IMMP2L: variants seen among roughly 807,000 people sequenced by gnomAD.
IMMP2L encodes inner mitochondrial membrane peptidase subunit 2.
A neutral mutation model predicts 19.3 loss-of-function variants in IMMP2L; 18 were observed. The ratio of observed to expected loss-of-function variants is 0.93; its 90% CI spans 0.64 to 1.38. The LOEUF is 1.38. Ranked by LOEUF, IMMP2L falls within the 40% of genes most tolerant of loss-of-function variation. The pLI is 0.00. For missense variants in IMMP2L, 233 were observed against 218.2 expected (o/e 1.07, Z -0.43); for synonymous variants, 76 against 73.0 (o/e 1.04, Z -0.21).
intron 5 of IMMP2L, among the ~76,000 whole-genome samples, chr7:110,754,183 T>C (rs897241677): frequency 6.6e-6 from 1 of 152,084 alleles, no homozygotes; most frequent in Non-Finnish European, 1.5e-5. Flanking sequence ...CAAGTCATAG[T>C]GCCACAGGAG....
intron 5 of IMMP2L, among the ~76,000 whole-genome samples, chr7:110,690,132 C>A (rs73714312): frequency 6.6e-6 from 1 of 152,114 alleles, no homozygotes; most frequent in African/African-American, 2.4e-5. Flanking sequence ...ACTCACCCCC[C>A]ACCTCAGACA....
intron 3 of IMMP2L, among the ~76,000 whole-genome samples, chr7:111,073,479 C>T (rs1041611226): frequency 6.6e-6 from 1 of 151,974 alleles, no homozygotes. Flanking sequence ...TTTTTTCATT[C>T]AAGCCTGCAT....
chr7:111,466,231 C>T (rs1280714138), intron 3 of IMMP2L, among the ~76,000 whole-genome samples: 1 of 152,036 alleles, frequency 6.6e-6, no homozygotes, highest in Non-Finnish European at 1.5e-5. Context: ...TGTTAAATGA[C>T]AAGTTAACGT....
chr7:111,410,463 T>C (rs1243662348), intron 3 of IMMP2L, among the ~76,000 whole-genome samples: 1 of 151,672 alleles, frequency 6.6e-6, no homozygotes, highest in East Asian at 1.9e-4. Context: ...AATTAGTATG[T>C]ACATTGTTCA....
chr7:110,688,009 G>A (rs1357479278), intron 5 of IMMP2L, among the ~76,000 whole-genome samples: 1 of 151,940 alleles, frequency 6.6e-6, no homozygotes, highest in African/African-American at 2.4e-5. Flanking sequence ...TCATCATACT[G>A]TGAGAAGCCC....
chr7:111,516,339 A>G (rs2132622467), intron 2 of IMMP2L, among the ~76,000 whole-genome samples: 1 of 152,016 alleles, frequency 6.6e-6, no homozygotes, highest in African/African-American at 2.4e-5. Context: ...TCATACACGC[A>G]TAAATACAGA....
intron 3 of IMMP2L, among the ~76,000 whole-genome samples, chr7:111,469,120 G>A (rs112761612): frequency 0.02 from 3,085 of 152,200 alleles, 106 homozygotes; most frequent in African/African-American, 0.07. Flanking sequence ...CTATATCTCT[G>A]TTTTGGTACC....
chr7:111,266,453 G>T (rs1242369702), intron 3 of IMMP2L, among the ~76,000 whole-genome samples: 1 of 149,596 alleles, frequency 6.7e-6, no homozygotes, highest in Non-Finnish European at 1.5e-5. Context: ...TGAGACAGGA[G>T]AATCGCTTGA....
chr7:111,193,093 G>A (rs970910917), intron 3 of IMMP2L, among the ~76,000 whole-genome samples: 3 of 152,140 alleles, frequency 2.0e-5, no homozygotes, highest in Non-Finnish European at 2.9e-5. Flanking sequence ...GTTCAAACAT[G>A]GGAGAACAGA....
chr7:111,321,807 T>G (rs1824747907), intron 3 of IMMP2L, among the ~76,000 whole-genome samples: 1 of 151,992 alleles, frequency 6.6e-6, no homozygotes, highest in African/African-American at 2.4e-5. Flanking sequence ...TTAAAAGGAA[T>G]GGAACTACAG....
intron 2 of IMMP2L, among the ~76,000 whole-genome samples, chr7:111,494,541 T>C (rs1843417241): frequency 6.6e-6 from 1 of 152,218 alleles, no homozygotes; most frequent in Non-Finnish European, 1.5e-5. Context: ...CTTGGAGAAG[T>C]GTTTTGAATA....
intron 3 of IMMP2L, among the ~76,000 whole-genome samples, chr7:111,087,832 T>G (rs1796489861): frequency 6.6e-6 from 1 of 152,202 alleles, no homozygotes; most frequent in Non-Finnish European, 1.5e-5. Flanking sequence ...CAATGACCAC[T>G]ACCATAATAA....
intron 3 of IMMP2L, among the ~76,000 whole-genome samples, chr7:111,026,782 T>C (rs1200242222): frequency 1.3e-5 from 2 of 152,140 alleles, no homozygotes; most frequent in Non-Finnish European, 1.5e-5. Context: ...AAGATTTCTT[T>C]TGGCATGCTG....
intron 3 of IMMP2L, among the ~76,000 whole-genome samples, chr7:110,974,050 T>C (rs1820438397): frequency 6.6e-6 from 1 of 152,030 alleles, no homozygotes; most frequent in Non-Finnish European, 1.5e-5. Flanking sequence ...ATAAGAACCA[T>C]TAATAGTCCT....
chr7:110,831,570 C>A (rs1803972888), intron 5 of IMMP2L, among the ~76,000 whole-genome samples: 1 of 152,124 alleles, frequency 6.6e-6, no homozygotes, highest in Non-Finnish European at 1.5e-5. Flanking sequence ...CCAAAAGACA[C>A]AAGCAGCCAA....
intron 5 of IMMP2L, among the ~76,000 whole-genome samples, chr7:110,852,629 T>G (rs771231825): frequency 7.2e-5 from 11 of 152,088 alleles, no homozygotes; most frequent in Non-Finnish European, 1.2e-4. Flanking sequence ...TACCCTGGAC[T>G]GTCTCCAGGA....
chr7:111,236,615 G>A (rs186998478), intron 3 of IMMP2L, among the ~76,000 whole-genome samples: 1 of 152,018 alleles, frequency 6.6e-6, no homozygotes, highest in Non-Finnish European at 1.5e-5. Context: ...AGGGCTGTAC[G>A]AGGACCTTCT....
At chr7:110,717,429 C>A (rs1003234240) in intron 5 of IMMP2L, among the ~76,000 whole-genome samples, 1 of 152,214 alleles carries the variant, frequency 6.6e-6, no homozygotes, top group South Asian at 2.1e-4. Context: ...TGCGCCACTG[C>A]GCTCCAGCCT....
At chr7:110,886,513 C>G (rs258974) in intron 5 of IMMP2L, 80 bp downstream of exon 5, 39,622 of 789,686 alleles carry the variant, frequency 0.05, 1,230 homozygotes, top group South Asian at 0.094. Context: ...GGCTGAGTTA[C>G]CTGAATAACC....
Sources: gnomAD v4.1 joint callset for allele counts (sites outside exome capture counted in the v4.1 genomes callset) on GRCh38, gnomAD v4.1.1 for gene constraint, MANE v1.5 for transcripts, NCBI Gene and HGNC (gene_info 2026-07-23, HGNC 2026-07-21) for gene names.